The following DTWD2 variants were observed in gnomAD, a reference collection of about 807,000 sequenced individuals.
DTWD2 encodes DTW motif tRNA-uridine aminocarboxypropyltransferase 2.
In DTWD2, 39 loss-of-function variants were observed where a neutral mutation model predicts 31.8. That is an observed-to-expected ratio of 1.22 (90% CI 0.95 to 1.60). The LOEUF is 1.60. Among genes scored for constraint, DTWD2 ranks in the 40% most tolerant of loss-of-function variants. The pLI is 0.00. For missense variants in DTWD2, 515 were observed against 381.5 expected (o/e 1.35, Z -2.92); for synonymous variants, 180 against 142.8 (o/e 1.26, Z -1.86).
intron 4 of DTWD2, among the ~76,000 whole-genome samples, chr5:118,848,609 G>A (rs1196302519): frequency 2.6e-5 from 4 of 151,922 alleles, no homozygotes; most frequent in Admixed American, 2.0e-4. Flanking sequence ...AAAAAAGGCT[G>A]CAGCTAAAAT....
At chr5:118,847,565 A>G (rs1751887298) in intron 5 of DTWD2, among the ~76,000 whole-genome samples, 1 of 152,274 alleles carries the variant, frequency 6.6e-6, no homozygotes, top group South Asian at 2.1e-4. Flanking sequence ...CATAGAAATT[A>G]AATGAAATAA....
intron 4 of DTWD2, among the ~76,000 whole-genome samples, chr5:118,865,144 T>C (rs1448721937): frequency 2.6e-5 from 4 of 152,160 alleles, no homozygotes; most frequent in Non-Finnish European, 5.9e-5. Flanking sequence ...ATTTCTGAAA[T>C]ACATCTGAAT....
At chr5:118,845,739 G>A (rs1325133841) in intron 5 of DTWD2, among the ~76,000 whole-genome samples, 3 of 152,172 alleles carry the variant, frequency 2.0e-5, no homozygotes, top group African/African-American at 7.2e-5. Flanking sequence ...AAAAGCTGAA[G>A]AGATAATGGG....
At chr5:118,987,899 C>A (rs1444628209) in intron 1 of DTWD2, among the ~76,000 whole-genome samples, 5 of 152,174 alleles carry the variant, frequency 3.3e-5, no homozygotes, top group African/African-American at 1.2e-4. Flanking sequence ...GTAAAGGAGA[C>A]TGTCTCTCTC....
chr5:118,969,620 A>G (rs1452667999), intron 1 of DTWD2, among the ~76,000 whole-genome samples: 1 of 152,168 alleles, frequency 6.6e-6, no homozygotes, highest in Non-Finnish European at 1.5e-5. Context: ...AAAACAAACG[A>G]ACGGAAAACA....
At chr5:118,961,046 C>T (rs1315450745) in intron 1 of DTWD2, among the ~76,000 whole-genome samples, 1 of 148,724 alleles carries the variant, frequency 6.7e-6, no homozygotes, top group East Asian at 2.0e-4. Flanking sequence ...TCTATAGATC[C>T]AACCTGCACA....
In DTWD2 at chr5:118,838,467, G is replaced by A. The variant is rs541266562; in HGVS notation, c.*2450C>T. ...ATAAAAAAGTAATTTTTAAAAGCCT[G>A]ATTAATTTTTCAATTAAAATACTCA... On this transcript the variant is annotated 3_prime_UTR_variant, in exon 6 of 6. Coordinates refer to ENST00000510708, the MANE Select transcript of DTWD2 (RefSeq NM_173666.4). The A allele has an allele frequency of 6.6e-6, 1 of 152,120 alleles. No homozygotes were observed. The highest frequency in any genetic ancestry group is 2.4e-5 in the African/African-American group (1 of 41,426). The allele number at this position is 152,120 out of a possible 1,614,324, so 9.4% of individuals were successfully genotyped here. A position where few individuals can be genotyped will look rare whatever the true frequency, so the allele number is the denominator to read the frequency against.
At chr5:118,860,505 A>C (rs186628187) in intron 4 of DTWD2, among the ~76,000 whole-genome samples, 35 of 152,140 alleles carry the variant, frequency 2.3e-4, no homozygotes, top group Non-Finnish European at 4.7e-4. Flanking sequence ...AATAATAAAT[A>C]GCTTTGTGTT....
At chr5:118,963,175 A>G (rs1335678573) in intron 1 of DTWD2, among the ~76,000 whole-genome samples, 1 of 152,244 alleles carries the variant, frequency 6.6e-6, no homozygotes, top group Non-Finnish European at 1.5e-5. Flanking sequence ...ACCCACAGGA[A>G]GCTAACAATA....
In DTWD2 at chr5:118,988,482, G is replaced by C. The variant is rs1319094332; in HGVS notation, c.30C>G (p.Leu10=). 4 of 1,600,944 alleles carry C rather than the reference G, an allele frequency of 2.5e-6. No individual in the cohort carries two copies. The highest frequency in any genetic ancestry group is 3.4e-6 in the Non-Finnish European group (4 of 1,175,134). Residue 10 remains leucine, a synonymous_variant, in exon 1 of 6, where the codon CTC becomes CTG. Transcript: ENST00000510708. MESQKEART[L]QEPVARPSGA... ...CAGAAGGCCGCGCAACGGGCTCCTG[G>C]AGTGTTCGTGCCTCTTTCTGCGACT... is the stretch of plus-strand genomic sequence containing the variant.
chr5:118,971,616 T>C (rs1754990196), intron 1 of DTWD2, among the ~76,000 whole-genome samples: 1 of 152,148 alleles, frequency 6.6e-6, no homozygotes, highest in Non-Finnish European at 1.5e-5. Context: ...TGAACTTAGC[T>C]CTGGATCAAG....
At chr5:118,894,866 C>T (rs894352623) in intron 4 of DTWD2, among the ~76,000 whole-genome samples, 1 of 152,072 alleles carries the variant, frequency 6.6e-6, no homozygotes, top group Admixed American at 6.6e-5. Context: ...ACCTCAACAT[C>T]ATAAGGGCCA....
intron 4 of DTWD2, among the ~76,000 whole-genome samples, chr5:118,874,428 C>A (rs564369322): frequency 2.6e-5 from 4 of 152,102 alleles, no homozygotes; most frequent in Non-Finnish European, 4.4e-5. Context: ...TACAGAAGTA[C>A]ATTAAAACCC....
intron 1 of DTWD2, among the ~76,000 whole-genome samples, chr5:118,954,641 T>G (rs1021251888): frequency 1.3e-5 from 2 of 152,192 alleles, no homozygotes; most frequent in African/African-American, 4.8e-5. Flanking sequence ...GCCTCGTGAG[T>G]AGCTGAGGTT....
At chr5:118,949,374 T>C (rs1042658747) in intron 1 of DTWD2, among the ~76,000 whole-genome samples, 12 of 152,024 alleles carry the variant, frequency 7.9e-5, no homozygotes, top group Admixed American at 6.6e-4. Context: ...AAAGGAAGCA[T>C]GCTTGAGATC....
chr5:118,944,686 T>A (rs1314409833), intron 1 of DTWD2, 37 bp from the exon 2 acceptor site: 3 of 1,593,338 alleles, frequency 1.9e-6, no homozygotes, highest in Non-Finnish European at 2.6e-6. Context: ...TGGTAAATTT[T>A]AAAAATACAA....
chr5:118,973,135 A>G (rs1755029501), intron 1 of DTWD2, among the ~76,000 whole-genome samples: 1 of 133,736 alleles, frequency 7.5e-6, no homozygotes, highest in South Asian at 2.4e-4. Context: ...CTCCATTTTG[A>G]GCCTATGTGT....
rs1412972464 is a variant in DTWD2 at position 118,839,171 on chromosome 5, T to TAAC, written c.*1745_*1746insGTT. 4 of 151,528 alleles carry TAAC rather than the reference T, an allele frequency of 2.6e-5. No homozygotes were observed. The East Asian group carries it at 7.7e-4, about 29-fold the overall frequency. 9.4% of individuals were successfully genotyped at this position (151,528 alleles called of 1,614,324 possible). ...AGCGAGATTCCATCTCAAATAATAATAATAATAATAATAATGACTAAAAGA... is the reference window on the plus strand; with the variant it reads ...AGCGAGATTCCATCTCAAATAATAATAACAATAATAATAATAATGACTAAAAGA... On this transcript the variant is annotated 3_prime_UTR_variant, in exon 6 of 6. Coordinates refer to ENST00000510708, the MANE Select transcript of DTWD2 (RefSeq NM_173666.4).
chr5:118,906,876 T>C (rs777086142), intron 4 of DTWD2, among the ~76,000 whole-genome samples: 10 of 152,188 alleles, frequency 6.6e-5, no homozygotes, highest in Non-Finnish European at 1.5e-4. Context: ...AAAAGAATTA[T>C]TGAGTCCCAA....
Sources: gnomAD v4.1 joint callset for allele counts (sites outside exome capture counted in the v4.1 genomes callset) on GRCh38, gnomAD v4.1.1 for gene constraint, MANE v1.5 for transcripts, NCBI Gene and HGNC (gene_info 2026-07-23, HGNC 2026-07-21) for gene names.